SFT2D2: variants seen among roughly 807,000 people sequenced by gnomAD.
SFT2D2 encodes vesicle transport protein SFT2B.
SFT2D2 carries 21 observed loss-of-function variants against 27.4 expected under a neutral mutation model. The observed-to-expected ratio is 0.77, with a 90% CI of 0.54 to 1.10. The LOEUF is 1.10. Ranked by LOEUF, SFT2D2 falls within the 50% of genes least tolerant of loss-of-function variation. The pLI, the probability that SFT2D2 is intolerant of heterozygous loss-of-function variation, is 0.00. For missense variants in SFT2D2, 187 were observed against 194.2 expected, an observed-to-expected ratio of 0.96 and a Z score of 0.22; for synonymous variants, 72 against 71.7, an observed-to-expected ratio of 1.00 and a Z score of -0.02.
intron 6 of SFT2D2, among the ~76,000 whole-genome samples, chr1:168,238,733 G>A (rs987536754): frequency 6.6e-6 from 1 of 152,008 alleles, no homozygotes; most frequent in African/African-American, 2.4e-5. Context: ...AAGGAGGGGG[G>A]TGCGGTTCAA....
intron 7 of SFT2D2, among the ~76,000 whole-genome samples, chr1:168,240,995 A>G (rs77928475): frequency 0.08 from 12,105 of 152,222 alleles, 498 homozygotes; most frequent in African/African-American, 0.1. Context: ...TATGGGGCCA[A>G]TGCAGTTGCA....
rs1647867210 is a variant in SFT2D2, at chr1:168,248,081, T to C, written c.*5541T>C. ...TTCTGGATCTTAGCCCTTTGTCAGA[T>C]GGATAGATTGCAAAAATTTTCTCCC... On this transcript the variant is annotated 3_prime_UTR_variant, in exon 8 of 8. Coordinates refer to ENST00000271375, the MANE Select transcript of SFT2D2 (RefSeq NM_199344.3). 1.3e-5 allele frequency: 2 copies of C among 152,240 alleles called. No homozygotes were observed. The highest frequency in any genetic ancestry group is 2.9e-5 in the Non-Finnish European group (2 of 68,042). The allele number at this position is 152,240 out of a possible 1,614,324, so 9.4% of individuals were successfully genotyped here.
Position 168,247,265 on chromosome 1 carries a change from A to G in SFT2D2, c.*4725A>G, listed in dbSNP as rs1647847038. On this transcript the variant is annotated 3_prime_UTR_variant, in exon 8 of 8. Transcript: ENST00000271375. ...TAAATTATACTTTAAGTTCTGGGGT[A>G]CATGTGCAGAACATGCGGGTTTGTT... 2.7e-5 allele frequency: 7 copies of G among 261,678 alleles called. 1 individual carries two copies. Among genetic ancestry groups the G allele is most frequent in the South Asian group, 2.5e-4 (6 of 23,568 alleles). The allele number at this position is 261,678 out of a possible 1,614,324, so 16.2% of individuals were successfully genotyped here.
In SFT2D2 at chr1:168,235,878, C is replaced by A. The variant is rs186362005; in HGVS notation, c.318+696C>A. Among the ~76,000 whole-genome samples the A allele has an allele frequency of 3.6e-3, 541 of 152,304 alleles. 3 individuals are homozygous for A. The highest frequency in any genetic ancestry group is 5.2e-3 in the South Asian group (25 of 4,828). ...TTATTTTTAGTTTCATTTATATAATCTCATTTGTTCAAATAGGTGAGTTAT... is the reference window on the plus strand; with the variant it reads ...TTATTTTTAGTTTCATTTATATAATATCATTTGTTCAAATAGGTGAGTTAT... On this transcript the variant is annotated intron_variant, in intron 4 of 7. Transcript: ENST00000271375.
chr1:168,228,486 T>C (rs1043305088), intron 1 of SFT2D2, among the ~76,000 whole-genome samples: 1 of 152,258 alleles, frequency 6.6e-6, no homozygotes, highest in African/African-American at 2.4e-5. Flanking sequence ...TATCTAATTA[T>C]AGCCTCACGT....
rs10737541 is a variant in SFT2D2, at chr1:168,244,860, T to G, written c.*2320T>G. 0.65 allele frequency: 98,043 copies of G among 151,974 alleles called. 32,381 individuals carry two copies. Among genetic ancestry groups the G allele is most frequent in the Non-Finnish European group, 0.74 (50,007 of 67,948 alleles). The allele number at this position is 151,974 out of a possible 1,614,324, so 9.4% of individuals were successfully genotyped here. A position where few individuals can be genotyped will look rare whatever the true frequency, so the allele number is the denominator to read the frequency against. On this transcript the variant is annotated 3_prime_UTR_variant, in exon 8 of 8. Transcript: ENST00000271375. Reference sequence around the variant, plus strand: ...TCCCTCCATGTCCATGTCCTTTTTTTTTTTTTAGATTGAACAACCATGCTT... The same window carrying G: ...TCCCTCCATGTCCATGTCCTTTTTTGTTTTTTAGATTGAACAACCATGCTT...
intron 1 of SFT2D2, among the ~76,000 whole-genome samples, chr1:168,228,372 G>C (rs1401708637): frequency 6.6e-6 from 1 of 152,190 alleles, no homozygotes; most frequent in East Asian, 1.9e-4. Flanking sequence ...GTCACTAGAA[G>C]AGAGTGCTTT....
rs1477691348 is a variant in SFT2D2 at position 168,250,542 on chromosome 1, C to T, written c.*8002C>T. 6.6e-6 allele frequency: 1 copy of T among 152,270 alleles called. No individual in the cohort carries two copies. Among genetic ancestry groups the T allele is most frequent in the Non-Finnish European group, 1.5e-5 (1 of 68,122 alleles). The allele number at this position is 152,270 out of a possible 1,614,324, so 9.4% of individuals were successfully genotyped here. A position where few individuals can be genotyped will look rare whatever the true frequency, so the allele number is the denominator to read the frequency against. Reference sequence around the variant, plus strand: ...GTGCTCAGCCAGCCATATGGAAGCACTGTCCTGGCGTGATCTGCCCTGGGC... The same window carrying T: ...GTGCTCAGCCAGCCATATGGAAGCATTGTCCTGGCGTGATCTGCCCTGGGC... On this transcript the variant is annotated 3_prime_UTR_variant, in exon 8 of 8. Transcript: ENST00000271375.
chr1:168,244,880 A>G lies in SFT2D2; in HGVS notation c.*2340A>G, dbSNP rs1017511691. 3 of 151,976 alleles carry G rather than the reference A, an allele frequency of 2.0e-5. No individual in the cohort carries two copies. The highest frequency in any genetic ancestry group is 7.3e-5 in the African/African-American group (3 of 41,330). 9.4% of individuals were successfully genotyped at this position (151,976 alleles called of 1,614,324 possible). ...TTTTTTTTTTTTAGATTGAACAACC[A>G]TGCTTTGTTTAAAAAATAATCTCAG... On this transcript the variant is annotated 3_prime_UTR_variant, in exon 8 of 8. Coordinates refer to ENST00000271375, the MANE Select transcript of SFT2D2 (RefSeq NM_199344.3).
In SFT2D2 at chr1:168,231,844, T is replaced by C. The variant is rs150546285; in HGVS notation, c.161T>C (p.Leu54Pro). The C allele has an allele frequency of 2.5e-6, 4 of 1,614,214 alleles. No homozygotes were observed. The African/African-American group carries it at 5.3e-5, about 22-fold the overall frequency. ...GILCSLLGTV[L>P]LWVPRKGLHL... ...TACTTTAAATTCCAGGGTACTGTTCTGCTGTGGGTGCCCAGGAAGGGACTA... is the reference window on the plus strand; with the variant it reads ...TACTTTAAATTCCAGGGTACTGTTCCGCTGTGGGTGCCCAGGAAGGGACTA... The change falls in exon 3 of 8, where the codon CTG (leucine) becomes CCG (proline). Residue 54 changes from leucine to proline, a missense_variant. Leu to Pro is a moderately conservative substitution (Grantham distance 98, BLOSUM62 -3). Transcript: ENST00000271375.
intron 6 of SFT2D2, among the ~76,000 whole-genome samples, chr1:168,237,905 G>GT (rs1318708656): frequency 6.7e-6 from 1 of 150,308 alleles, no homozygotes; most frequent in Non-Finnish European, 1.5e-5. Flanking sequence ...GTGGTAGACT[G>GT]TTTATATTTT....
At chr1:168,230,077 GT>G (rs1237291807) in intron 1 of SFT2D2, among the ~76,000 whole-genome samples, 57 of 152,286 alleles carry the variant, frequency 3.7e-4, no homozygotes, top group African/African-American at 1.3e-3. Context: ...TGAGTGGAGA[GT>G]AAGGTAGTCT....
chr1:168,245,588 A>G lies in SFT2D2; in HGVS notation c.*3048A>G, dbSNP rs1398509167. ...GCTTTTTTTTTTTTTTTTTTGTAGAAATTAAAAACTGGTTTTAAGATTCAC... is the reference window on the plus strand; with the variant it reads ...GCTTTTTTTTTTTTTTTTTTGTAGAGATTAAAAACTGGTTTTAAGATTCAC... On this transcript the variant is annotated 3_prime_UTR_variant, in exon 8 of 8. Coordinates refer to ENST00000271375, the MANE Select transcript of SFT2D2 (RefSeq NM_199344.3). 6.9e-6 allele frequency: 1 copy of G among 145,128 alleles called. No homozygotes were observed. Among genetic ancestry groups the G allele is most frequent in the Admixed American group, 6.9e-5 (1 of 14,592 alleles). The allele number at this position is 145,128 out of a possible 1,614,324, so 9.0% of individuals were successfully genotyped here.
intron 1 of SFT2D2, among the ~76,000 whole-genome samples, 178 bp downstream of exon 1, chr1:168,226,320 C>T (rs373836429): frequency 2.0e-5 from 3 of 152,184 alleles, no homozygotes; most frequent in African/African-American, 7.2e-5. Flanking sequence ...GGGCAGTGGC[C>T]GCGGCGTCCT....
chr1:168,226,657 G>T (rs1700462298), intron 1 of SFT2D2, among the ~76,000 whole-genome samples: 1 of 152,034 alleles, frequency 6.6e-6, no homozygotes, highest in South Asian at 2.1e-4. Flanking sequence ...ACTCCCACCC[G>T]CCCCTGTACA....
In SFT2D2 at chr1:168,232,057, T is replaced by C. The variant is rs113831653; in HGVS notation, c.236+138T>C. On this transcript the variant is annotated intron_variant, in intron 3 of 7. Coordinates refer to ENST00000271375, the MANE Select transcript of SFT2D2 (RefSeq NM_199344.3). The stretch of plus-strand genomic sequence containing the variant: ...GAGAAGTAGTTAGAATATCTCACAT[T>C]CATATCTTATTATTTGAAAACATTT... 4.2e-3 allele frequency: 2,803 copies of C among 668,288 alleles called. 66 individuals are homozygous for C. In the African/African-American group the frequency reaches 0.047, roughly 11 times the overall value. 41.4% of individuals were successfully genotyped at this position (668,288 alleles called of 1,614,324 possible).
At position 168,248,128 on chromosome 1, in the gene SFT2D2, C is replaced by T. The variant is rs573701244; in HGVS notation, c.*5588C>T. On this transcript the variant is annotated 3_prime_UTR_variant, in exon 8 of 8. Transcript: ENST00000271375. Reference sequence around the variant, plus strand: ...TCCCATTCTGTAGGTTGCCTGTTCACTCTGATGATAGTTTCTTTTGCTGTG... The same window carrying T: ...TCCCATTCTGTAGGTTGCCTGTTCATTCTGATGATAGTTTCTTTTGCTGTG... 3 of 152,306 alleles carry T rather than the reference C, an allele frequency of 2.0e-5. No homozygotes were observed. In the East Asian group the frequency reaches 5.8e-4, roughly 29 times the overall value. The allele number at this position is 152,306 out of a possible 1,614,324, so 9.4% of individuals were successfully genotyped here.
chr1:168,234,300 A>G (rs540014423), intron 3 of SFT2D2, among the ~76,000 whole-genome samples: 2 of 152,164 alleles, frequency 1.3e-5, no homozygotes, highest in East Asian at 3.9e-4. Flanking sequence ...AGGCTGAGGC[A>G]GGAGAATCAC....
intron 7 of SFT2D2, among the ~76,000 whole-genome samples, chr1:168,241,143 G>A: frequency 6.6e-6 from 1 of 151,796 alleles, no homozygotes; most frequent in East Asian, 1.9e-4. Flanking sequence ...TTCATGTGCT[G>A]AGGAGACGAA....
Sources: gnomAD v4.1 joint callset for allele counts (sites outside exome capture counted in the v4.1 genomes callset) on GRCh38, gnomAD v4.1.1 for gene constraint, MANE v1.5 for transcripts, NCBI Gene and HGNC (gene_info 2026-07-23, HGNC 2026-07-21) for gene names.